The following SORCS3 variants were observed in gnomAD, a reference collection of about 807,000 sequenced individuals.
The protein encoded by SORCS3 is sortilin related VPS10 domain containing receptor 3, also known as VPS10 domain-containing receptor SorCS3.
SORCS3 carries 57 observed loss-of-function variants against 146.3 expected under a neutral mutation model. The observed-to-expected ratio is 0.39, with a 90% CI of 0.31 to 0.49. The LOEUF is 0.49. Ranked by LOEUF, SORCS3 falls within the 20% of genes least tolerant of loss-of-function variation. SORCS3 has a pLI of 0.92. For synonymous variants in SORCS3, 653 were observed against 618.5 expected (o/e 1.06, Z -0.83); for missense variants, 1,341 against 1,575.5 (o/e 0.85, Z 2.52).
At position 105,124,977 on chromosome 10, in the gene SORCS3, A is replaced by G. The variant is rs59490150; in HGVS notation, c.1213-14420A>G. Among the ~76,000 whole-genome samples the G allele has an allele frequency of 8.4e-3, 1,273 of 152,318 alleles. 30 individuals carry two copies. Among genetic ancestry groups the G allele is most frequent in the African/African-American group, 0.03 (1,227 of 41,560 alleles). ...GTAGCGACTGTTTCTAGATTGCATC[A>G]GGAAGAAATGATCAAAGTGCTCTTA... is the stretch of plus-strand genomic sequence containing the variant. On this transcript the variant is annotated intron_variant, in intron 7 of 26. Coordinates refer to ENST00000369701, the MANE Select transcript of SORCS3 (RefSeq NM_014978.3).
intron 3 of SORCS3, among the ~76,000 whole-genome samples, chr10:104,945,544 C>A (rs2019361721): frequency 6.6e-6 from 1 of 150,550 alleles, no homozygotes; most frequent in Non-Finnish European, 1.5e-5. Flanking sequence ...CAGATGTGAA[C>A]CACTGTGCCC....
At chr10:105,062,108 G>C (rs531968205) in intron 5 of SORCS3, among the ~76,000 whole-genome samples, 31 of 152,134 alleles carry the variant, frequency 2.0e-4, no homozygotes, top group Non-Finnish European at 1.9e-4. Context: ...GATAATAATG[G>C]TGGTAAATAA....
At chr10:105,214,377 C>A in intron 17 of SORCS3, 65 bp from the exon 18 acceptor site, 2 of 1,571,114 alleles carry the variant, frequency 1.3e-6, no homozygotes, top group Non-Finnish European at 1.7e-6. Context: ...CACACACACA[C>A]ACACATACAA....
intron 4 of SORCS3, among the ~76,000 whole-genome samples, chr10:105,010,212 A>G (rs1382478052): frequency 6.6e-6 from 1 of 152,196 alleles, no homozygotes; most frequent in African/African-American, 2.4e-5. Context: ...GGAGCTCATG[A>G]AGAAACATGA....
chr10:104,684,871 A>G (rs1487498459), intron 1 of SORCS3, among the ~76,000 whole-genome samples: 2 of 126,426 alleles, frequency 1.6e-5, no homozygotes, highest in Admixed American at 2.0e-4. Flanking sequence ...AGGCTGGAGT[A>G]CAGTGGCATG....
chr10:104,694,528 CT>C (rs1314600217), intron 1 of SORCS3, among the ~76,000 whole-genome samples: 1 of 152,062 alleles, frequency 6.6e-6, no homozygotes, highest in Non-Finnish European at 1.5e-5. Context: ...AAGCTTCTCC[CT>C]AGGAACTGCA....
intron 1 of SORCS3, among the ~76,000 whole-genome samples, chr10:104,722,857 A>T (rs1425661719): frequency 3.3e-5 from 5 of 150,818 alleles, no homozygotes; most frequent in Admixed American, 6.6e-5. Context: ...CGTCTATTTG[A>T]TTCTTCTCTC....
At chr10:105,129,503 C>T (rs1041302311) in intron 7 of SORCS3, among the ~76,000 whole-genome samples, 1 of 151,900 alleles carries the variant, frequency 6.6e-6, no homozygotes, top group African/African-American at 2.4e-5. Flanking sequence ...GAAGCTCTGG[C>T]GTCCTTATCT....
At chr10:104,647,435 A>C (rs983120688) in intron 1 of SORCS3, among the ~76,000 whole-genome samples, 4 of 152,244 alleles carry the variant, frequency 2.6e-5, no homozygotes, top group Admixed American at 1.3e-4. Context: ...ACTTGTTTAT[A>C]GAATTTGCAG....
chr10:104,794,632 A>G (rs796646451), intron 1 of SORCS3, among the ~76,000 whole-genome samples: 8 of 149,376 alleles, frequency 5.4e-5, no homozygotes, highest in South Asian at 2.2e-4. Context: ...GGAGAGAGAG[A>G]GAGAGAGAGA....
intron 20 of SORCS3, among the ~76,000 whole-genome samples, chr10:105,235,572 G>A (rs555348631): frequency 9.9e-5 from 15 of 151,742 alleles, no homozygotes; most frequent in African/African-American, 2.9e-4. Context: ...AGTAAGGTAC[G>A]ACCTCAGACT....
intron 1 of SORCS3, among the ~76,000 whole-genome samples, chr10:104,651,515 G>A (rs972358957): frequency 6.3e-5 from 8 of 126,164 alleles, no homozygotes; most frequent in Admixed American, 9.0e-5. Flanking sequence ...CCAACATAGT[G>A]AAACCTCCGG....
In SORCS3 at chr10:105,217,043, T is replaced by A. The variant is rs754321903; in HGVS notation, c.2655T>A (p.Ser885Arg). 1 of 1,613,990 alleles carries A rather than the reference T, an allele frequency of 6.2e-7. No individual in the cohort carries two copies. The highest frequency in any genetic ancestry group is 8.5e-7 in the Non-Finnish European group (1 of 1,179,980). Residue 885 changes from serine to arginine, a missense_variant, in exon 19 of 27, where the codon AGT becomes AGA. Ser to Arg is a moderately radical substitution (Grantham distance 110). Coordinates refer to ENST00000369701, the MANE Select transcript of SORCS3 (RefSeq NM_014978.3). ...IEDGIKHVYKSAGIFQVTAYA... is the reference protein window; with the variant it reads ...IEDGIKHVYKRAGIFQVTAYA... ...ACGGCATCAAGCACGTGTATAAGAGTGCGGGGATCTTCCAGGTGACAGCCT... is the reference window on the plus strand; with the variant it reads ...ACGGCATCAAGCACGTGTATAAGAGAGCGGGGATCTTCCAGGTGACAGCCT...
intron 1 of SORCS3, among the ~76,000 whole-genome samples, chr10:104,800,603 A>G (rs1184295947): frequency 6.6e-6 from 1 of 152,128 alleles, no homozygotes; most frequent in African/African-American, 2.4e-5. Flanking sequence ...GGTAGATGGG[A>G]TATCTCTGTA....
rs565395597 is a variant in SORCS3, at chr10:104,937,570, AAAC to A, written c.795+21643_795+21645del. 2.9e-3 allele frequency among the ~76,000 whole-genome samples: 444 copies of A among 152,338 alleles called. 2 individuals are homozygous for A. The highest frequency in any genetic ancestry group is 0.018 in the South Asian group (89 of 4,828). On this transcript the variant is annotated intron_variant, in intron 3 of 26. Transcript: ENST00000369701. ...CATTACTTTCGCTTACCACGAGGCA[AAAC>A]AACATTAAATATCTGAGTCAAGAAG...
intron 1 of SORCS3, among the ~76,000 whole-genome samples, chr10:104,826,724 A>T (rs991960027): frequency 1.6e-4 from 25 of 152,134 alleles, no homozygotes; most frequent in African/African-American, 4.1e-4. Context: ...AGAAAATGAG[A>T]CCACAATGAA....
intron 1 of SORCS3, among the ~76,000 whole-genome samples, chr10:104,769,618 T>C (rs1399388291): frequency 6.6e-6 from 1 of 152,114 alleles, no homozygotes; most frequent in African/African-American, 2.4e-5. Context: ...CAAGACTTGT[T>C]AGAGCCAGGG....
At chr10:105,114,667 C>T (rs2055881607) in intron 7 of SORCS3, among the ~76,000 whole-genome samples, 1 of 152,136 alleles carries the variant, frequency 6.6e-6, no homozygotes, top group Non-Finnish European at 1.5e-5. Context: ...ACCACTCATG[C>T]AAACCCAGAA....
intron 1 of SORCS3, among the ~76,000 whole-genome samples, chr10:104,685,239 G>A (rs1287485560): frequency 6.6e-6 from 1 of 152,200 alleles, no homozygotes; most frequent in African/African-American, 2.4e-5. Context: ...TAGGAGCACA[G>A]AGGAAGCACA....
Sources: gnomAD v4.1 joint callset for allele counts (sites outside exome capture counted in the v4.1 genomes callset) on GRCh38, gnomAD v4.1.1 for gene constraint, MANE v1.5 for transcripts, NCBI Gene and HGNC (gene_info 2026-07-23, HGNC 2026-07-21) for gene names.